RPS6KA2: variants seen among roughly 807,000 people sequenced by gnomAD.
RPS6KA2 encodes ribosomal protein S6 kinase A2.
A neutral mutation model predicts 91.8 loss-of-function variants in RPS6KA2; 42 were observed. The ratio of observed to expected loss-of-function variants is 0.46; its 90% confidence interval spans 0.36 to 0.59. The LOEUF (loss-of-function observed/expected upper bound fraction) is 0.59. RPS6KA2 is among the 20% of genes least tolerant of loss of function. The probability of loss-of-function intolerance (pLI) is 0.00; values close to 1 mark genes in which losing one functional copy is unlikely to be tolerated. For synonymous variants in RPS6KA2, 414 were observed against 393.6 expected, an observed-to-expected ratio of 1.05 and a Z score of -0.61; for missense variants, 798 against 978.5, an observed-to-expected ratio of 0.82 and a Z score of 2.46.
At chr6:166,425,397 G>C (rs1166557732) in intron 16 of RPS6KA2, among the ~76,000 whole-genome samples, 1 of 151,336 alleles carries the variant, frequency 6.6e-6, no homozygotes. Flanking sequence ...ATCAACTAAT[G>C]AGCAAAATAA....
chr6:166,553,375 C>A (rs574886810), intron 1 of RPS6KA2, among the ~76,000 whole-genome samples: 2 of 151,936 alleles, frequency 1.3e-5, no homozygotes, highest in Non-Finnish European at 1.5e-5. Flanking sequence ...CTGCCCACCA[C>A]GGACTCCCAA....
rs1000065489 is a variant in RPS6KA2 at position 166,516,863 on chromosome 6, G to A, written c.299-6506C>T. Among the ~76,000 whole-genome samples the A allele has an allele frequency of 2.6e-5, 4 of 152,338 alleles. No individual in the cohort carries two copies. The East Asian group carries it at 7.7e-4, about 29-fold the overall frequency. On this transcript the variant is annotated intron_variant, in intron 3 of 20. Coordinates refer to ENST00000265678, the MANE Select transcript of RPS6KA2 (RefSeq NM_021135.6). The stretch of plus-strand genomic sequence containing the variant: ...AAGCAGCATGGCAGAGAAAAGGGGG[G>A]TTCCTACTCCATCTTGCCATCTCCT...
At position 166,459,478 on chromosome 6, in the gene RPS6KA2, T is replaced by C; in HGVS notation, c.1046A>G (p.Asp349Gly). Residue 349 changes from aspartate (D) to glycine (G), a missense_variant, in exon 12 of 21, where the codon GAC (aspartate) becomes GGC (glycine). By Grantham distance (94) the Asp-to-Gly change is moderately conservative. Coordinates refer to ENST00000265678, the MANE Select transcript of RPS6KA2 (RefSeq NM_021135.6). The surrounding 1 kb of genome is among the most constrained non-coding windows in gnomAD (Gnocchi z 4.9). ...VGRPEDTFHF[D>G]PEFTARTPTD... ...GGGCGTCCGCGCTGTGAACTCGGGGTCAAAGTGGAAGGTGTCCTCAGGCCT... is the reference window on the plus strand; with the variant it reads ...GGGCGTCCGCGCTGTGAACTCGGGGCCAAAGTGGAAGGTGTCCTCAGGCCT... 1 of 1,613,958 alleles carries C rather than the reference T, an allele frequency of 6.2e-7. No homozygotes were observed. Among genetic ancestry groups the C allele is most frequent in the East Asian group, 2.2e-5 (1 of 44,870 alleles).
chr6:166,412,641 G>T lies in RPS6KA2; in HGVS notation c.*121C>A. 9.9e-7 allele frequency: 1 copy of T among 1,015,146 alleles called. No homozygotes were observed. Among genetic ancestry groups the T allele is most frequent in the Non-Finnish European group, 1.4e-6 (1 of 718,130 alleles). The allele number at this position is 1,015,146 out of a possible 1,614,324, so 62.9% of individuals were successfully genotyped here. A position where few individuals can be genotyped will look rare whatever the true frequency, so the allele number is the denominator to read the frequency against. On this transcript the variant is annotated 3_prime_UTR_variant, in exon 21 of 21. Coordinates refer to ENST00000265678, the MANE Select transcript of RPS6KA2 (RefSeq NM_021135.6). The surrounding 1 kb of genome is among the most constrained non-coding windows in gnomAD (Gnocchi z 4.3). ...GAAAAAGAAAACACGGACACGGCGA[G>T]GGCGGGCGCCGCCTCCCTGCTGGAC...
intron 1 of RPS6KA2, among the ~76,000 whole-genome samples, chr6:166,599,387 G>T (rs1785650932): frequency 6.6e-6 from 1 of 152,156 alleles, no homozygotes; most frequent in South Asian, 2.1e-4. Flanking sequence ...ATTTAACAAG[G>T]TTTTCTCATT....
At chr6:166,452,966 G>A (rs1271688003) in intron 12 of RPS6KA2, among the ~76,000 whole-genome samples, 1 of 152,170 alleles carries the variant, frequency 6.6e-6, no homozygotes, top group African/African-American at 2.4e-5. Context: ...TTGGGAGGCT[G>A]AGGCAGGTGG....
chr6:166,824,820 T>TGTCTATGC (rs1171004989), intron 2 of RPS6KA2, among the ~76,000 whole-genome samples: 1 of 146,138 alleles, frequency 6.8e-6, no homozygotes, highest in Non-Finnish European at 1.5e-5. Context: ...TGTGTCTGTG[T>TGTCTATGC]GTGTCTGTGT....
At chr6:166,576,448 G>A (rs764902018) in intron 1 of RPS6KA2, among the ~76,000 whole-genome samples, 10 of 152,190 alleles carry the variant, frequency 6.6e-5, no homozygotes, top group African/African-American at 1.4e-4. Flanking sequence ...TGATAATGAC[G>A]TAGACAATAA....
intron 2 of RPS6KA2, among the ~76,000 whole-genome samples, chr6:166,717,212 G>A (rs927908432): frequency 6.6e-6 from 1 of 152,232 alleles, no homozygotes; most frequent in Non-Finnish European, 1.5e-5. Context: ...CAAGGGGGTG[G>A]AGGCATCGCC....
intron 1 of RPS6KA2, among the ~76,000 whole-genome samples, chr6:166,562,966 G>C (rs1784386499): frequency 6.6e-6 from 1 of 152,212 alleles, no homozygotes. Flanking sequence ...GCCCCGGCGG[G>C]ACAGACTGAG....
intron 2 of RPS6KA2, among the ~76,000 whole-genome samples, chr6:166,538,390 T>A (rs1383995377): frequency 6.6e-6 from 1 of 152,184 alleles, no homozygotes; most frequent in East Asian, 1.9e-4. Context: ...CTTCCTCACC[T>A]TGGTGATGAT....
At chr6:166,502,141 G>A (rs1782049728) in intron 6 of RPS6KA2, among the ~76,000 whole-genome samples, 3 of 152,152 alleles carry the variant, frequency 2.0e-5, no homozygotes, top group Admixed American at 1.3e-4. Context: ...TGGGGATGGG[G>A]GCCCAGCAAT....
At chr6:166,671,132 C>T (rs1788461148) in intron 2 of RPS6KA2, among the ~76,000 whole-genome samples, 1 of 152,166 alleles carries the variant, frequency 6.6e-6, no homozygotes. Flanking sequence ...TATTTAAATG[C>T]AATGTTCCTT....
At chr6:166,798,879 C>T (rs374135373) in intron 2 of RPS6KA2, among the ~76,000 whole-genome samples, 7 of 152,178 alleles carry the variant, frequency 4.6e-5, no homozygotes, top group South Asian at 4.1e-4. Flanking sequence ...CCAGAGAGAG[C>T]GCCCCTGTGA....
intron 11 of RPS6KA2, among the ~76,000 whole-genome samples, chr6:166,468,026 A>G (rs1389553931): frequency 6.6e-6 from 1 of 152,292 alleles, no homozygotes; most frequent in Non-Finnish European, 1.5e-5. Context: ...TTCCAGGCAC[A>G]GTGCTGTGCT....
chr6:166,510,340 A>G lies in RPS6KA2; in HGVS notation c.316T>C (p.Ser106Pro). The G allele has an allele frequency of 1.9e-6, 3 of 1,600,530 alleles. No individual in the cohort carries two copies. Among genetic ancestry groups the G allele is most frequent in the Non-Finnish European group, 2.6e-6 (3 of 1,171,730 alleles). ...ATLKVRDRVR[S>P]KMERDILAEV... ...GCCAAGATGTCTCTCTCCATCTTCG[A>G]TCTCACTCGGTCCCGAACTGCAAAG... Residue 106 changes from serine to proline, a missense_variant, in exon 4 of 21, where the codon TCG becomes CCG. By Grantham distance (74) the Ser-to-Pro change is moderately conservative. Coordinates refer to ENST00000265678, the MANE Select transcript of RPS6KA2 (RefSeq NM_021135.6).
chr6:166,856,673 C>T (rs768426947), intron 2 of RPS6KA2, among the ~76,000 whole-genome samples: 3 of 152,232 alleles, frequency 2.0e-5, no homozygotes, highest in African/African-American at 7.2e-5. Context: ...CTGGAAATCA[C>T]AGTTCCTACA....
chr6:166,682,872 TC>T (rs1369334589), intron 2 of RPS6KA2, among the ~76,000 whole-genome samples: 3 of 152,208 alleles, frequency 2.0e-5, no homozygotes, highest in African/African-American at 7.2e-5. Flanking sequence ...CTTCTCTGTT[TC>T]TTCTCAAAGG....
chr6:166,485,203 C>T (rs1781364075), intron 10 of RPS6KA2, among the ~76,000 whole-genome samples: 1 of 152,202 alleles, frequency 6.6e-6, no homozygotes, highest in Non-Finnish European at 1.5e-5. Flanking sequence ...AAAGGTGCAA[C>T]CTAGGGTCAC....
Sources: gnomAD v4.1 joint callset for allele counts (sites outside exome capture counted in the v4.1 genomes callset) on GRCh38, gnomAD v4.1.1 for gene constraint, Gnocchi (gnomAD v3.1) non-coding constraint, MANE v1.5 for transcripts, NCBI Gene and HGNC (gene_info 2026-07-23, HGNC 2026-07-21) for gene names.